GSE1: variants seen among roughly 807,000 people sequenced by gnomAD.
GSE1 encodes the protein genetic suppressor element 1.
GSE1 carries 32 observed loss-of-function variants against 112.6 expected under a neutral mutation model. The observed-to-expected ratio is 0.28, with a 90% CI of 0.21 to 0.38. The LOEUF is 0.38. Among genes scored for constraint, GSE1 ranks in the 10% least tolerant of loss-of-function variants. The pLI, the probability that GSE1 is intolerant of heterozygous loss-of-function variation, is 1.00. For synonymous variants in GSE1, 1,115 were observed against 735.6 expected, an observed-to-expected ratio of 1.52 and a Z score of -8.35; for missense variants, 2,348 against 1,699.2, an observed-to-expected ratio of 1.38 and a Z score of -6.71.
intron 2 of GSE1, among the ~76,000 whole-genome samples, chr16:85,504,430 C>A (rs1323231398): frequency 2.6e-5 from 4 of 152,216 alleles, no homozygotes; most frequent in African/African-American, 9.7e-5. Flanking sequence ...CTGCAGCCCG[C>A]AGAGCGGTGA....
At chr16:85,606,191 G>A (rs867096115) in intron 1 of GSE1, among the ~76,000 whole-genome samples, 3 of 152,198 alleles carry the variant, frequency 2.0e-5, no homozygotes, top group South Asian at 4.1e-4. Context: ...GCTAAAATCA[G>A]ACCACTCCGG....
chr16:85,566,767 CTG>C (rs1413517716), intron 1 of GSE1, among the ~76,000 whole-genome samples: 4 of 152,214 alleles, frequency 2.6e-5, no homozygotes, highest in Non-Finnish European at 5.9e-5. Context: ...GTCTTGGTAA[CTG>C]TGTCAACCGT....
chr16:85,606,229 C>T (rs982739004), intron 1 of GSE1, among the ~76,000 whole-genome samples: 2 of 152,196 alleles, frequency 1.3e-5, no homozygotes, highest in African/African-American at 4.8e-5. Context: ...CTTTACATCA[C>T]CCATGTTGAC....
At chr16:85,510,634 C>A (rs1408882830) in intron 2 of GSE1, among the ~76,000 whole-genome samples, 2 of 152,192 alleles carry the variant, frequency 1.3e-5, no homozygotes, top group Non-Finnish European at 2.9e-5. Flanking sequence ...AGGGAGGCTG[C>A]CCCCCAAGTG....
In GSE1 at chr16:85,654,409, C is replaced by T. The variant is rs377714165; in HGVS notation, c.558C>T (p.Ser186=). Residue 186 remains serine (S), a synonymous_variant, in exon 4 of 16, where the codon TCC becomes TCT. Transcript: ENST00000253458. ...LLSTPYPFGL[S]PSSVVQDSRF... ...GCACCCCCTACCCCTTCGGCCTCTCCCCCAGCTCAGTTGTGCAGGATTCCC... is the reference window on the plus strand; with the variant it reads ...GCACCCCCTACCCCTTCGGCCTCTCTCCCAGCTCAGTTGTGCAGGATTCCC... 5.6e-6 allele frequency: 9 copies of T among 1,593,748 alleles called. No individual in the cohort carries two copies. The highest frequency in any genetic ancestry group is 7.7e-6 in the Non-Finnish European group (9 of 1,169,854).
At chr16:85,316,431 G>C (rs540764138) in intron 1 of GSE1, among the ~76,000 whole-genome samples, 1 of 152,326 alleles carries the variant, frequency 6.6e-6, no homozygotes, top group Non-Finnish European at 1.5e-5. Context: ...CCAGGTGGCC[G>C]TAAGGGACCA....
chr16:85,180,097 C>T (rs1191283234), intron 1 of GSE1, among the ~76,000 whole-genome samples: 1 of 152,226 alleles, frequency 6.6e-6, no homozygotes. Context: ...AGGTTCCCTG[C>T]CTGGGGTCTG....
intron 2 of GSE1, among the ~76,000 whole-genome samples, chr16:85,442,065 C>G (rs1274982422): frequency 2.6e-5 from 4 of 152,258 alleles, no homozygotes; most frequent in Non-Finnish European, 4.4e-5. Context: ...GGTCTCCAAA[C>G]AGCCAGATCT....
At chr16:85,217,976 C>T (rs949722521) in intron 1 of GSE1, among the ~76,000 whole-genome samples, 4 of 152,150 alleles carry the variant, frequency 2.6e-5, no homozygotes, top group African/African-American at 7.2e-5. Context: ...TCTTGGCCCA[C>T]TGCAACCTCT....
At chr16:85,520,249 G>A (rs575214514) in intron 2 of GSE1, among the ~76,000 whole-genome samples, 15 of 152,134 alleles carry the variant, frequency 9.9e-5, no homozygotes, top group Admixed American at 7.2e-4. Flanking sequence ...TAATCCCATC[G>A]TGAGGGCCGC....
In GSE1 at chr16:85,302,229, G is replaced by A. The variant is rs2968425; in HGVS notation, c.2284-55234G>A. ...ATGCACACTCTAATCTTCGCTTGGCGGTTCAGCTTTCAGGAGCCCCAATTA... is the reference window on the plus strand; with the variant it reads ...ATGCACACTCTAATCTTCGCTTGGCAGTTCAGCTTTCAGGAGCCCCAATTA... On this transcript the variant is annotated intron_variant, in intron 1 of 2. Transcript: ENST00000637419. Among the ~76,000 whole-genome samples the A allele has an allele frequency of 6.6e-3, 1,010 of 152,284 alleles. 8 individuals carry two copies. Among genetic ancestry groups the A allele is most frequent in the Middle Eastern group, 0.021 (6 of 292 alleles).
chr16:85,243,091 G>A (rs533293531), intron 1 of GSE1, among the ~76,000 whole-genome samples: 2 of 152,332 alleles, frequency 1.3e-5, no homozygotes, highest in South Asian at 4.1e-4. Flanking sequence ...GGGATTACAG[G>A]CATAAGCCTC....
intron 2 of GSE1, among the ~76,000 whole-genome samples, chr16:85,413,043 T>C (rs13334259): frequency 0.023 from 3,512 of 152,300 alleles, 142 homozygotes; most frequent in African/African-American, 0.079. Flanking sequence ...GAAGGTTCCG[T>C]GCTGCTGCTG....
At chr16:85,624,008 C>G (rs1335963854) in intron 1 of GSE1, among the ~76,000 whole-genome samples, 1 of 152,198 alleles carries the variant, frequency 6.6e-6, no homozygotes, top group Non-Finnish European at 1.5e-5. Flanking sequence ...CTCCCTCCCA[C>G]TTACCTGAGG....
chr16:85,517,515 C>T (rs1056586986), intron 2 of GSE1, among the ~76,000 whole-genome samples: 1 of 152,202 alleles, frequency 6.6e-6, no homozygotes, highest in African/African-American at 2.4e-5. Context: ...TCCACCTGCT[C>T]TCAGGCCTTG....
chr16:85,556,816 G>C lies in GSE1; in HGVS notation c.37+453G>C, dbSNP rs912223543. ...CCAGCCAACCCCCTTGCGCGGTCTC[G>C]GCGCGAGCGTGGCTCGCCGGCCCCC... On this transcript the variant is annotated intron_variant, in intron 1 of 2. Coordinates refer to the GSE1 transcript ENST00000635906. 1.1e-3 allele frequency among the ~76,000 whole-genome samples: 155 copies of C among 144,390 alleles called. 2 individuals are homozygous for C. Among genetic ancestry groups the C allele is most frequent in the African/African-American group, 3.9e-3 (150 of 38,722 alleles). 94.7% of individuals were successfully genotyped at this position (144,390 alleles called of 152,430 possible).
chr16:85,253,821 C>T (rs1051839413), intron 1 of GSE1, among the ~76,000 whole-genome samples: 7 of 151,780 alleles, frequency 4.6e-5, no homozygotes, highest in African/African-American at 1.5e-4. Flanking sequence ...GCAGTGAGAA[C>T]TGTGTGTGCA....
intron 2 of GSE1, among the ~76,000 whole-genome samples, chr16:85,436,263 G>T (rs79147038): frequency 6.6e-6 from 1 of 152,156 alleles, no homozygotes; most frequent in Non-Finnish European, 1.5e-5. Context: ...GTATCAGAGC[G>T]CAGGAGTCCT....
chr16:85,642,589 G>A (rs983248993), intron 2 of GSE1, among the ~76,000 whole-genome samples: 2 of 152,336 alleles, frequency 1.3e-5, no homozygotes, highest in East Asian at 3.9e-4. Flanking sequence ...TGTGGACACC[G>A]GAGCCGTCCC....
Sources: gnomAD v4.1 joint callset for allele counts (sites outside exome capture counted in the v4.1 genomes callset) on GRCh38, gnomAD v4.1.1 for gene constraint, MANE v1.5 for transcripts, NCBI Gene and HGNC (gene_info 2026-07-23, HGNC 2026-07-21) for gene names.